The following PTK2B variants were observed in gnomAD, a reference collection of about 807,000 sequenced individuals.
The protein encoded by PTK2B is protein tyrosine kinase 2 beta.
A neutral mutation model predicts 142.9 loss-of-function variants in PTK2B; 71 were observed. That is an observed-to-expected ratio of 0.50 (90% CI 0.41 to 0.61). PTK2B has a LOEUF of 0.61. Ranked by LOEUF, PTK2B falls within the 20% of genes least tolerant of loss-of-function variation. The pLI, the probability that PTK2B is intolerant of heterozygous loss-of-function variation, is 0.00. For missense variants in PTK2B, 1,105 were observed against 1,320.4 expected (o/e 0.84, Z 2.53); for synonymous variants, 519 against 503.4 (o/e 1.03, Z -0.42).
At chr8:27,322,222 T>C (rs1317690690), upstream of PTK2B, among the ~76,000 whole-genome samples, 1 of 152,244 alleles carries the variant, frequency 6.6e-6, no homozygotes, top group Non-Finnish European at 1.5e-5. Context: ...TAAAATAAAA[T>C]TTATTCTACA....
chr8:27,454,021 CA>C, intron 28 of PTK2B, 132 bp from the exon 29 acceptor site: 1 of 1,298,050 alleles, frequency 7.7e-7, no homozygotes, highest in South Asian at 1.3e-5. Flanking sequence ...GGACAGGGCA[CA>C]ATTATTCTAA....
chr8:27,371,475 A>G (rs1007780430), intron 1 of PTK2B, among the ~76,000 whole-genome samples: 17 of 151,806 alleles, frequency 1.1e-4, no homozygotes, highest in African/African-American at 3.9e-4. Context: ...TGGGCTGGTT[A>G]TTTATTGTTC....
upstream of PTK2B, among the ~76,000 whole-genome samples, chr8:27,323,074 G>C (rs1245715741): frequency 1.3e-5 from 2 of 152,214 alleles, no homozygotes; most frequent in African/African-American, 4.8e-5. Context: ...AACCACCTTT[G>C]TGATCTCCAG....
intron 1 of PTK2B, among the ~76,000 whole-genome samples, chr8:27,352,488 T>C (rs1227438432): frequency 2.6e-5 from 4 of 152,250 alleles, no homozygotes; most frequent in Non-Finnish European, 4.4e-5. Context: ...GGCGGTCATC[T>C]GGGCCAGCCT....
In PTK2B at chr8:27,420,617, G is replaced by A. The variant is rs776608055; in HGVS notation, c.384-40G>A. ...GTCCTACTCCTTTCTTCAGGCACCA[G>A]CTTCTCTGTGTCAACCAGAGCCTGA... On this transcript the variant is annotated intron_variant, in intron 3 of 30. Transcript: ENST00000346049. 5 of 1,582,360 alleles carry A rather than the reference G, an allele frequency of 3.2e-6. No individual in the cohort carries two copies. The South Asian group carries it at 5.5e-5, about 17-fold the overall frequency.
chr8:27,436,182 A>G (rs1810764383), intron 14 of PTK2B, 69 bp from the exon 15 acceptor site: 11 of 1,470,724 alleles, frequency 7.5e-6, no homozygotes, highest in Admixed American at 1.7e-5. Flanking sequence ...TAGAGCCTGC[A>G]GACACTCAGG....
At chr8:27,421,531 C>A (rs545494732) in intron 4 of PTK2B, among the ~76,000 whole-genome samples, 1 of 152,308 alleles carries the variant, frequency 6.6e-6, no homozygotes, top group Non-Finnish European at 1.5e-5. Flanking sequence ...TTAGCTCCCC[C>A]TTATGAGTGA....
At chr8:27,380,178 C>T (rs1289699033) in intron 1 of PTK2B, among the ~76,000 whole-genome samples, 2 of 152,158 alleles carry the variant, frequency 1.3e-5, no homozygotes, top group Non-Finnish European at 2.9e-5. Flanking sequence ...CTCTCGGGGT[C>T]ACGTCTTTCT....
At chr8:27,392,720 A>G (rs1364134902) in intron 1 of PTK2B, among the ~76,000 whole-genome samples, 1 of 152,124 alleles carries the variant, frequency 6.6e-6, no homozygotes, top group East Asian at 1.9e-4. Flanking sequence ...CTTTCATGGA[A>G]CCGTTCATTT....
intron 23 of PTK2B, among the ~76,000 whole-genome samples, chr8:27,445,437 T>C (rs1327213183): frequency 6.6e-6 from 1 of 152,134 alleles, no homozygotes; most frequent in Non-Finnish European, 1.5e-5. Context: ...AATTCATACA[T>C]ATCTGTATAA....
In PTK2B at chr8:27,397,592, G is replaced by A. The variant is rs1290235746; in HGVS notation, c.8G>A (p.Gly3Glu). Residue 3 changes from glycine (G) to glutamate (E), a missense_variant, in exon 2 of 31, where the codon GGG becomes GAG. Coordinates refer to ENST00000346049, the MANE Select transcript of PTK2B (RefSeq NM_173176.3). MS[G>E]VSEPLSRVKL... is the part of the protein sequence containing the mutation. ...TAGCTGCTGCCTGAGAGGATGTCTG[G>A]GGTGTCCGAGCCCCTGAGTCGAGTA... The A allele has an allele frequency of 6.2e-6, 10 of 1,613,696 alleles. No homozygotes were observed. The highest frequency in any genetic ancestry group is 8.5e-6 in the Non-Finnish European group (10 of 1,180,004).
upstream of PTK2B, among the ~76,000 whole-genome samples, chr8:27,324,601 G>C (rs115887763): frequency 6.5e-4 from 99 of 152,340 alleles, no homozygotes; most frequent in African/African-American, 2.3e-3. Flanking sequence ...ACAACTCCAG[G>C]GGGCGCCATT....
At chr8:27,335,287 C>A (rs1459801355) in intron 1 of PTK2B, among the ~76,000 whole-genome samples, 2 of 152,132 alleles carry the variant, frequency 1.3e-5, no homozygotes, top group African/African-American at 4.8e-5. Flanking sequence ...CTTTACTTGA[C>A]CCTGTATAGA....
chr8:27,369,955 T>G (rs1806249600), intron 1 of PTK2B, among the ~76,000 whole-genome samples: 1 of 152,082 alleles, frequency 6.6e-6, no homozygotes, highest in African/African-American at 2.4e-5. Flanking sequence ...CCAGCCTGGG[T>G]GACAGAGTGA....
chr8:27,419,855 T>C (rs754451517), intron 2 of PTK2B, 40 bp from the exon 3 acceptor site: 1 of 1,606,132 alleles, frequency 6.2e-7, no homozygotes, highest in Admixed American at 1.7e-5. Context: ...AGCCCAAAGG[T>C]GGGCACCCCT....
intron 1 of PTK2B, among the ~76,000 whole-genome samples, chr8:27,369,657 G>A (rs906951107): frequency 2.0e-5 from 3 of 151,668 alleles, no homozygotes; most frequent in Non-Finnish European, 2.9e-5. Context: ...GTGACAGAGT[G>A]AGACTCCATC....
At chr8:27,414,545 C>T (rs138439236) in intron 2 of PTK2B, among the ~76,000 whole-genome samples, 5 of 138,554 alleles carry the variant, frequency 3.6e-5, no homozygotes, top group African/African-American at 8.0e-5. Context: ...CGCGCCTGGC[C>T]GGGCTGTCAC....
chr8:27,323,252 T>C, upstream of PTK2B: 1 of 152,416 alleles, frequency 6.6e-6, no homozygotes. Context: ...ACTTCTCTTT[T>C]GTTGACATTC....
chr8:27,423,122 G>GAA lies in PTK2B; in HGVS notation c.551+740_551+741insAA, dbSNP rs564694408. 1.0e-3 allele frequency among the ~76,000 whole-genome samples: 153 copies of GAA among 152,286 alleles called. 1 individual carries two copies. Among genetic ancestry groups the GAA allele is most frequent in the African/African-American group, 3.6e-3 (149 of 41,534 alleles). On this transcript the variant is annotated intron_variant, in intron 5 of 30. Transcript: ENST00000346049. ...GGCTGATGGTGGAAGACACCATTGA[G>GAA]ACAATGGCAGTCCAATGATATCATT...
Sources: allele counts gnomAD v4.1 joint callset (sites outside exome capture counted in the v4.1 genomes callset), GRCh38; gene constraint gnomAD v4.1.1; transcripts MANE v1.5; gene names NCBI Gene and HGNC (gene_info 2026-07-23, HGNC 2026-07-21).